MCPH1: variants seen among roughly 807,000 people sequenced by gnomAD.
MCPH1 encodes microcephalin.
Under a neutral mutation model 84.5 loss-of-function variants are expected in MCPH1, and 104 were observed. The ratio of observed to expected loss-of-function variants is 1.23; its 90% confidence interval spans 1.05 to 1.45. MCPH1 has a LOEUF of 1.45. MCPH1 is among the 40% of genes most tolerant of loss of function. MCPH1 has a pLI of 0.00. For synonymous variants in MCPH1, 514 were observed against 366.8 expected (o/e 1.40, Z -4.58); for missense variants, 1,498 against 1,005.7 (o/e 1.49, Z -6.62).
chr8:6,587,809 T>C lies in MCPH1; in HGVS notation c.2215-33645T>C, dbSNP rs1310058726. Among the ~76,000 whole-genome samples the C allele has an allele frequency of 3.3e-5, 5 of 152,278 alleles. No individual in the cohort carries two copies. In the East Asian group the frequency reaches 7.7e-4, roughly 23 times the overall value. ...CACAGACATGGACTAAGTTAAAGGA[T>C]GGTAAATTAGCAATGCCCAAAAGCA... On this transcript the variant is annotated intron_variant, in intron 12 of 13. Transcript: ENST00000344683.
chr8:6,528,099 G>T (rs1016598652), intron 12 of MCPH1, among the ~76,000 whole-genome samples: 7 of 152,082 alleles, frequency 4.6e-5, no homozygotes, highest in African/African-American at 1.4e-4. Flanking sequence ...GTTTCACCAT[G>T]TTGGCCAGGC....
rs564398889 is a variant in MCPH1, at chr8:6,449,694, G to C, written c.1825+4147G>C. On this transcript the variant is annotated intron_variant, in intron 8 of 13. Transcript: ENST00000344683. ...TTTGCTCTTGCACTCAGTCTGAAAAGTGCTGCTGTAGTTTGGGCTCAGGAA... is the reference window on the plus strand; with the variant it reads ...TTTGCTCTTGCACTCAGTCTGAAAACTGCTGCTGTAGTTTGGGCTCAGGAA... Among the ~76,000 whole-genome samples the C allele has an allele frequency of 6.6e-5, 10 of 152,048 alleles. No homozygotes were observed. The East Asian group carries it at 1.9e-3, about 29-fold the overall frequency.
In MCPH1 at chr8:6,447,465, A is replaced by T. The variant is rs1241264027; in HGVS notation, c.1825+1918A>T. ...CAGTATCTAAGATACAGTGTAAAAA[A>T]GGCTTCAAAAACAAGTTACAAAGAG... On this transcript the variant is annotated intron_variant, in intron 8 of 13. Coordinates refer to ENST00000344683, the MANE Select transcript of MCPH1 (RefSeq NM_024596.5). The T allele has an allele frequency of 1.1e-5, 11 of 972,614 alleles. 1 individual carries two copies. Among genetic ancestry groups the T allele is most frequent in the Non-Finnish European group, 1.3e-5 (11 of 818,258 alleles). 60.2% of individuals were successfully genotyped at this position (972,614 alleles called of 1,614,324 possible). A position where few individuals can be genotyped will look rare whatever the true frequency, so the allele number is the denominator to read the frequency against.
At chr8:6,449,592 C>T (rs973348488) in intron 8 of MCPH1, among the ~76,000 whole-genome samples, 1 of 151,710 alleles carries the variant, frequency 6.6e-6, no homozygotes, top group Non-Finnish European at 1.5e-5. Context: ...GAGATCATGC[C>T]ACTGCACTCC....
At position 6,586,455 on chromosome 8, in the gene MCPH1, A is replaced by G. The variant is rs537982105; in HGVS notation, c.2215-34999A>G. Among the ~76,000 whole-genome samples the G allele has an allele frequency of 4.6e-5, 7 of 152,302 alleles. No individual in the cohort carries two copies. The South Asian group carries it at 1.5e-3, about 32-fold the overall frequency. On this transcript the variant is annotated intron_variant, in intron 12 of 13. Coordinates refer to ENST00000344683, the MANE Select transcript of MCPH1 (RefSeq NM_024596.5). ...TTCCCTGTGACTAGCCTCTGTGGTC[A>G]AAGGTGCTTGCTGATGCAGCCTCTG...
intron 9 of MCPH1, among the ~76,000 whole-genome samples, chr8:6,463,877 A>G (rs566695422): frequency 6.6e-6 from 1 of 152,326 alleles, no homozygotes; most frequent in African/African-American, 2.4e-5. Flanking sequence ...GCTGTTTTCC[A>G]TTAGATGGTG....
chr8:6,591,475 G>A (rs1828449505), intron 12 of MCPH1, among the ~76,000 whole-genome samples: 1 of 152,188 alleles, frequency 6.6e-6, no homozygotes, highest in Non-Finnish European at 1.5e-5. Context: ...CCCCATGTGT[G>A]GAATGAATGG....
chr8:6,491,235 A>G (rs1810532911), intron 11 of MCPH1, among the ~76,000 whole-genome samples: 1 of 151,538 alleles, frequency 6.6e-6, no homozygotes, highest in Non-Finnish European at 1.5e-5. Context: ...TTTTTGCCAT[A>G]CAATTAAAGT....
At chr8:6,414,584 G>A (rs938982496) in intron 2 of MCPH1, among the ~76,000 whole-genome samples, 181 bp from the exon 3 acceptor site, 1 of 152,164 alleles carries the variant, frequency 6.6e-6, no homozygotes, top group Admixed American at 6.5e-5. Flanking sequence ...GTGAACTTGT[G>A]TGTATGATTC....
chr8:6,633,485 TC>T (rs1440567471), intron 13 of MCPH1, among the ~76,000 whole-genome samples: 2 of 152,190 alleles, frequency 1.3e-5, no homozygotes, highest in Non-Finnish European at 2.9e-5. Flanking sequence ...TCTGAAATGC[TC>T]CGATATCTTA....
At chr8:6,465,874 T>C (rs1806831706) in intron 9 of MCPH1, among the ~76,000 whole-genome samples, 1 of 152,196 alleles carries the variant, frequency 6.6e-6, no homozygotes. Context: ...AGGAAAAATT[T>C]ATGTCTGTTC....
chr8:6,553,834 C>G (rs1349995140), intron 12 of MCPH1, among the ~76,000 whole-genome samples: 1 of 152,076 alleles, frequency 6.6e-6, no homozygotes, highest in Non-Finnish European at 1.5e-5. Flanking sequence ...GTGATTCAGC[C>G]ACTGAGGATG....
rs75126901 is a variant in MCPH1 at position 6,456,332 on chromosome 8, C to G, written c.1935+1080C>G. 5.2e-3 allele frequency among the ~76,000 whole-genome samples: 797 copies of G among 152,294 alleles called. 8 individuals are homozygous for G. The highest frequency in any genetic ancestry group is 0.018 in the African/African-American group (767 of 41,544). Reference sequence around the variant, plus strand: ...ACTCCACTGCAGCCTGCGGGACCTGCTCAGCGCGCTGCCTCCCAGGGGTGG... The same window carrying G: ...ACTCCACTGCAGCCTGCGGGACCTGGTCAGCGCGCTGCCTCCCAGGGGTGG... On this transcript the variant is annotated intron_variant, in intron 9 of 13. Transcript: ENST00000344683.
At chr8:6,515,890 G>A (rs1816172456) in intron 12 of MCPH1, among the ~76,000 whole-genome samples, 1 of 152,228 alleles carries the variant, frequency 6.6e-6, no homozygotes, top group Admixed American at 6.5e-5. Flanking sequence ...AGAGAACCAA[G>A]AGAGTGCTAT....
At chr8:6,626,854 C>T (rs1352414687) in intron 13 of MCPH1, 3 of 985,018 alleles carry the variant, frequency 3.0e-6, no homozygotes, top group Non-Finnish European at 2.4e-6. Context: ...TCACGAAAGG[C>T]TGGCTTGGCC....
intron 9 of MCPH1, 140 bp downstream of exon 9, chr8:6,455,392 C>T: frequency 4.4e-6 from 3 of 685,196 alleles, no homozygotes; most frequent in South Asian, 1.7e-5. Context: ...TGCTGGAAAA[C>T]TCAGAATATG....
In MCPH1 at chr8:6,445,285, G is replaced by A. The variant is rs535274041; in HGVS notation, c.1563G>A (p.Glu521=). Residue 521 remains glutamate (E), a synonymous_variant, in exon 8 of 14, where the codon GAG becomes GAA. Coordinates refer to ENST00000344683, the MANE Select transcript of MCPH1 (RefSeq NM_024596.5). ...RQAGKEDACP[E]GNGFSYTIED... is the part of the protein sequence containing the mutation. ...CTGGGAAAGAAGACGCATGCCCAGA[G>A]GGAAATGGCTTTTCTTACACCATTG... 1.2e-6 allele frequency: 2 copies of A among 1,614,208 alleles called. No individual in the cohort carries two copies. Among genetic ancestry groups the A allele is most frequent in the East Asian group, 4.5e-5 (2 of 44,890 alleles).
rs1832027951 is a variant in MCPH1 at position 6,625,904 on chromosome 8, C to G, written c.2452+4213C>G. ...TGGAGAACCAGGAGTTTTTTAGCCA[C>G]TAGGAACCTCTCTGAGAAGTTTCTT... On this transcript the variant is annotated intron_variant, in intron 13 of 13. Transcript: ENST00000344683. The G allele has an allele frequency of 6.1e-6, 6 of 985,288 alleles. No individual in the cohort carries two copies. The South Asian group carries it at 2.8e-4, about 46-fold the overall frequency. The allele number at this position is 985,288 out of a possible 1,614,324, so 61.0% of individuals were successfully genotyped here.
At chr8:6,588,691 A>G (rs922938424) in intron 12 of MCPH1, among the ~76,000 whole-genome samples, 2 of 152,262 alleles carry the variant, frequency 1.3e-5, no homozygotes, top group Non-Finnish European at 2.9e-5. Context: ...TACAAAGTCA[A>G]TAGTCAACCT....
Sources: gnomAD v4.1 joint callset for allele counts (sites outside exome capture counted in the v4.1 genomes callset) on GRCh38, gnomAD v4.1.1 for gene constraint, MANE v1.5 for transcripts, NCBI Gene and HGNC (gene_info 2026-07-23, HGNC 2026-07-21) for gene names.